The following C3orf70 variants were observed in gnomAD, a reference collection of about 807,000 sequenced individuals.
The protein encoded by C3orf70 is UPF0524 protein C3orf70.
In C3orf70, 15 loss-of-function variants were observed where a neutral mutation model predicts 20.7. That is an observed-to-expected ratio of 0.72 (90% CI 0.48 to 1.11). The LOEUF (loss-of-function observed/expected upper bound fraction) is 1.11, where lower values mean the gene tolerates loss of function less well. Among genes scored for constraint, C3orf70 ranks in the 50% most tolerant of loss-of-function variants. The pLI is 0.00. For synonymous variants in C3orf70, 161 were observed against 125.7 expected (o/e 1.28, Z -1.88); for missense variants, 332 against 317.6 (o/e 1.05, Z -0.34).
intron 1 of C3orf70, among the ~76,000 whole-genome samples, chr3:185,094,074 G>GTTTTTTTTTTTTTTTTTTTTTTTTTTTTT (rs71162282): frequency 3.7e-5 from 3 of 80,644 alleles, no homozygotes; most frequent in Non-Finnish European, 6.6e-5. Context: ...ATACCCTGGG[G>GTTTTTTTTTTTTTTTTTTTTTTTTTTTTT]TTTTTTTTTT....
chr3:185,125,236 G>A (rs1172574037), intron 1 of C3orf70, among the ~76,000 whole-genome samples: 4 of 152,066 alleles, frequency 2.6e-5, no homozygotes, highest in Admixed American at 1.3e-4. Context: ...AAAATTAGCC[G>A]GGTGTGGTGG....
At chr3:185,136,589 T>C (rs1243467190) in intron 1 of C3orf70, among the ~76,000 whole-genome samples, 1 of 151,862 alleles carries the variant, frequency 6.6e-6, no homozygotes, top group Non-Finnish European at 1.5e-5. Context: ...CCCACAGTGG[T>C]GGCGGGCACC....
chr3:185,138,928 T>C (rs6784483), intron 1 of C3orf70, among the ~76,000 whole-genome samples: 143,813 of 152,204 alleles, frequency 0.94, 67,969 homozygotes, highest in Non-Finnish European at 0.95. Context: ...AGTGAGACCA[T>C]GTGTCTACAA....
In C3orf70 at chr3:185,118,054, T is replaced by C. The variant is rs534051660; in HGVS notation, c.197-34491A>G. 2.6e-5 allele frequency among the ~76,000 whole-genome samples: 4 copies of C among 152,322 alleles called. 1 individual carries two copies. Among genetic ancestry groups the C allele is most frequent in the African/African-American group, 9.6e-5 (4 of 41,572 alleles). ...TAGTTTTTACAATTTTTTGTGATTA[T>C]TGTATTATTCTCTTCATATGCCTAA... is the stretch of plus-strand genomic sequence containing the variant. On this transcript the variant is annotated intron_variant, in intron 1 of 1. Coordinates refer to ENST00000335012, the MANE Select transcript of C3orf70 (RefSeq NM_001025266.3).
At position 185,153,044 on chromosome 3, in the gene C3orf70, G is replaced by GGC; in HGVS notation, c.-223_-222dup. On this transcript the variant is annotated 5_prime_UTR_variant, in exon 1 of 2. Coordinates refer to ENST00000335012, the MANE Select transcript of C3orf70 (RefSeq NM_001025266.3). The surrounding 1 kb of genome is among the most constrained non-coding windows in gnomAD (Gnocchi z 6.8). The stretch of plus-strand genomic sequence containing the variant: ...CTGGCAGCCTCCCTCCCTCCGGCGC[G>GGC]GCGCGCGCCGCGCCCCACGCGCACA... The GGC allele has an allele frequency of 6.4e-6, 1 of 155,140 alleles. No individual in the cohort carries two copies. The allele number at this position is 155,140 out of a possible 1,614,324, so 9.6% of individuals were successfully genotyped here.
At chr3:185,106,026 C>T (rs1021070683) in intron 1 of C3orf70, among the ~76,000 whole-genome samples, 6 of 152,156 alleles carry the variant, frequency 3.9e-5, no homozygotes, top group Non-Finnish European at 8.8e-5. Context: ...TCCTTCTGCA[C>T]CCCCTCATTA....
chr3:185,091,863 A>ATT (rs1276947498), intron 1 of C3orf70, among the ~76,000 whole-genome samples: 3 of 120,974 alleles, frequency 2.5e-5, no homozygotes, highest in Admixed American at 9.0e-5. Flanking sequence ...TATGTATTAT[A>ATT]TTATATATAT....
chr3:185,144,202 G>A (rs1420144283), intron 1 of C3orf70, among the ~76,000 whole-genome samples: 3 of 152,136 alleles, frequency 2.0e-5, no homozygotes, highest in Non-Finnish European at 4.4e-5. Flanking sequence ...AACAATTGCC[G>A]ACTTTGACAA....
In C3orf70 at chr3:185,152,791, C is replaced by T; in HGVS notation, c.33G>A (p.Arg11=). Residue 11 remains arginine, a synonymous_variant, in exon 1 of 2, where the codon CGG becomes CGA. Transcript: ENST00000335012. MSAAASPASE[R]GWKSEKLDEA... Reference sequence around the variant, plus strand: ...CATCTAGTTTCTCGCTCTTCCAACCCCGCTCCGACGCCGGCGAGGCCGCCG... The same window carrying T: ...CATCTAGTTTCTCGCTCTTCCAACCTCGCTCCGACGCCGGCGAGGCCGCCG... 1 of 1,569,532 alleles carries T rather than the reference C, an allele frequency of 6.4e-7. No individual in the cohort carries two copies. Among genetic ancestry groups the T allele is most frequent in the Non-Finnish European group, 8.6e-7 (1 of 1,156,502 alleles).
Position 185,080,184 on chromosome 3 carries a change from TC to T in C3orf70, c.*2822del, listed in dbSNP as rs1292547218. On this transcript the variant is annotated 3_prime_UTR_variant, in exon 2 of 2. Transcript: ENST00000335012. ...CTGATGCTTAGAATCCAATGGAATG[TC>T]TCTAATTCTATATAGTAGATAGTAG... 6.5e-6 allele frequency: 1 copy of T among 152,674 alleles called. No homozygotes were observed. Among genetic ancestry groups the T allele is most frequent in the African/African-American group, 2.4e-5 (1 of 41,460 alleles). 9.5% of individuals were successfully genotyped at this position (152,674 alleles called of 1,614,324 possible).
At chr3:185,146,694 G>GT (rs758658179) in intron 1 of C3orf70, among the ~76,000 whole-genome samples, 2 of 152,058 alleles carry the variant, frequency 1.3e-5, no homozygotes, top group East Asian at 3.9e-4. Flanking sequence ...TCTTAAACAC[G>GT]TTTTTTGTAG....
intron 1 of C3orf70, among the ~76,000 whole-genome samples, chr3:185,089,165 T>C (rs1219579949): frequency 6.6e-6 from 1 of 152,202 alleles, no homozygotes; most frequent in Non-Finnish European, 1.5e-5. Context: ...AATTCCCAAA[T>C]AAATTCAACA....
At position 185,081,358 on chromosome 3, in the gene C3orf70, G is replaced by A. The variant is rs1715332669; in HGVS notation, c.*1649C>T. ...GACCCCAGGAGGCAGAGGTTGTAGA[G>A]AGCCAAGATCACGCCGCTGCACTCC... On this transcript the variant is annotated 3_prime_UTR_variant, in exon 2 of 2. Transcript: ENST00000335012. The A allele has an allele frequency of 6.6e-6, 1 of 152,010 alleles. No individual in the cohort carries two copies. The highest frequency in any genetic ancestry group is 1.5e-5 in the Non-Finnish European group (1 of 68,136). 9.4% of individuals were successfully genotyped at this position (152,010 alleles called of 1,614,324 possible).
intron 1 of C3orf70, among the ~76,000 whole-genome samples, chr3:185,116,310 G>A (rs1716171924): frequency 6.6e-6 from 1 of 152,182 alleles, no homozygotes; most frequent in African/African-American, 2.4e-5. Flanking sequence ...CGAAGATGAT[G>A]TGTTTAACGT....
At chr3:185,091,949 ATATATATATATATATTT>A (rs201973401) in intron 1 of C3orf70, among the ~76,000 whole-genome samples, 134 of 8,140 alleles carry the variant, frequency 0.016, 8 homozygotes, top group East Asian at 0.08. Flanking sequence ...ATATATATAT[ATATATATATATATATTT>A]TTTTTTTTTT....
intron 1 of C3orf70, among the ~76,000 whole-genome samples, chr3:185,111,082 C>G (rs897623625): frequency 6.6e-6 from 1 of 152,152 alleles, no homozygotes; most frequent in African/African-American, 2.4e-5. Context: ...AGATCCCTGT[C>G]TCACACTAAG....
At chr3:185,125,593 A>G (rs1716394548) in intron 1 of C3orf70, among the ~76,000 whole-genome samples, 1 of 152,210 alleles carries the variant, frequency 6.6e-6, no homozygotes, top group African/African-American at 2.4e-5. Flanking sequence ...AAATAGAAAC[A>G]ATCCAAATAT....
intron 1 of C3orf70, among the ~76,000 whole-genome samples, chr3:185,084,735 T>C (rs925820850): frequency 6.6e-6 from 1 of 152,168 alleles, no homozygotes; most frequent in African/African-American, 2.4e-5. Context: ...CATTTTTCAT[T>C]CAACATCTAG....
intron 1 of C3orf70, among the ~76,000 whole-genome samples, chr3:185,121,863 G>A (rs572078890): frequency 1.1e-4 from 16 of 152,298 alleles, no homozygotes; most frequent in African/African-American, 3.6e-4. Context: ...GCTTTGGGAG[G>A]CCAAGGCAGG....
Sources: gnomAD v4.1 joint callset for allele counts (sites outside exome capture counted in the v4.1 genomes callset) on GRCh38, gnomAD v4.1.1 for gene constraint, Gnocchi (gnomAD v3.1) non-coding constraint, MANE v1.5 for transcripts, NCBI Gene and HGNC (gene_info 2026-07-23, HGNC 2026-07-21) for gene names.